Variants in CNOT2 observed in about 807,000 individuals in gnomAD.
The protein encoded by CNOT2 is CCR4-NOT transcription complex subunit 2.
A neutral mutation model predicts 72.1 loss-of-function variants in CNOT2; 7 were observed. That is an observed-to-expected ratio of 0.10 (90% confidence interval 0.06 to 0.18). CNOT2 has a LOEUF of 0.18. Among genes scored for constraint, CNOT2 ranks in the 10% least tolerant of loss-of-function variants. The pLI is 1.00. For synonymous variants in CNOT2, 196 were observed against 225.6 expected, an observed-to-expected ratio of 0.87 and a Z score of 1.17; for missense variants, 345 against 660.3, an observed-to-expected ratio of 0.52 and a Z score of 5.23.
In CNOT2 at chr12:70,311,118, T is replaced by G. The variant is rs1288148084; in HGVS notation, c.171+101T>G. ...GTGCAGAATACTGTCTGTGGTTGAG[T>G]GACAATCTTTTCAGCACAGTGCTAG... On this transcript the variant is annotated intron_variant, in intron 3 of 15. Coordinates refer to ENST00000229195, the MANE Select transcript of CNOT2 (RefSeq NM_014515.7). The G allele has an allele frequency of 2.4e-5, 19 of 795,762 alleles. No individual in the cohort carries two copies. The East Asian group carries it at 4.8e-4, about 20-fold the overall frequency. The allele number at this position is 795,762 out of a possible 1,614,324, so 49.3% of individuals were successfully genotyped here. A position where few individuals can be genotyped will look rare whatever the true frequency, so the allele number is the denominator to read the frequency against.
intron 8 of CNOT2, 73 bp downstream of exon 8, chr12:70,335,636 A>G (rs966669992): frequency 2.7e-6 from 3 of 1,102,388 alleles, no homozygotes; most frequent in Non-Finnish European, 4.1e-6. Context: ...ATTTACATGT[A>G]CGTATACATA....
rs1881041908 is a variant in CNOT2, at chr12:70,338,712, A to T, written c.1068A>T (p.Gly356=). 2 of 1,613,296 alleles carry T rather than the reference A, an allele frequency of 1.2e-6. No homozygotes were observed. Among genetic ancestry groups the T allele is most frequent in the Non-Finnish European group, 8.5e-7 (1 of 1,179,474 alleles). The change falls in exon 11 of 16, where the codon GGA becomes GGT. Residue 356 remains glycine, a synonymous_variant. Coordinates refer to ENST00000229195, the MANE Select transcript of CNOT2 (RefSeq NM_014515.7). ...AAGGGATGGTGACGGACCAATTTGGAATGATTGGCCTGTTAACATTTATCA... is the reference window on the plus strand; with the variant it reads ...AAGGGATGGTGACGGACCAATTTGGTATGATTGGCCTGTTAACATTTATCA... The part of the protein sequence containing the change: ...IPQGMVTDQF[G]MIGLLTFIRA...
intron 1 of CNOT2, among the ~76,000 whole-genome samples, chr12:70,270,028 C>T (rs1442781964): frequency 6.6e-6 from 1 of 152,058 alleles, no homozygotes; most frequent in Non-Finnish European, 1.5e-5. Flanking sequence ...CTTTATAAAT[C>T]CATAGAGAAC....
chr12:70,331,266 G>A (rs547052769), intron 6 of CNOT2: 1 of 151,778 alleles, frequency 6.6e-6, no homozygotes, highest in Admixed American at 6.6e-5. Context: ...ATTAAAATAG[G>A]TTTAGCACAT....
At chr12:70,257,447 G>A (rs1246817879) in intron 1 of CNOT2, among the ~76,000 whole-genome samples, 1 of 143,248 alleles carries the variant, frequency 7.0e-6, no homozygotes, top group African/African-American at 2.6e-5. Flanking sequence ...TGCAAGCTCC[G>A]CCTTCCGGGT....
intron 9 of CNOT2, 77 bp downstream of exon 9, chr12:70,337,590 T>C (rs1880877160): frequency 6.7e-6 from 9 of 1,345,004 alleles, no homozygotes; most frequent in Non-Finnish European, 9.5e-6. Flanking sequence ...AATTACTTAC[T>C]AAATACTATT....
chr12:70,264,189 G>C lies in CNOT2; in HGVS notation c.-95-13943G>C, dbSNP rs1230356350. ...TTTTTGAGGCTAGTCTTCAGTGTTT[G>C]TTATGAACTGCGGAGGTCTGTTCCT... is the stretch of plus-strand genomic sequence containing the variant. On this transcript the variant is annotated intron_variant, in intron 1 of 15. Transcript: ENST00000229195. 2.6e-5 allele frequency among the ~76,000 whole-genome samples: 4 copies of C among 152,248 alleles called. No individual in the cohort carries two copies. In the East Asian group the frequency reaches 5.8e-4, roughly 22 times the overall value.
intron 11 of CNOT2, among the ~76,000 whole-genome samples, chr12:70,339,225 G>A (rs190339976): frequency 3.5e-4 from 53 of 151,582 alleles, no homozygotes; most frequent in African/African-American, 8.2e-4. Context: ...GTCATTGTTC[G>A]TAACTGCAGT....
intron 1 of CNOT2, among the ~76,000 whole-genome samples, chr12:70,247,717 G>C (rs943248737): frequency 2.0e-5 from 3 of 152,142 alleles, no homozygotes; most frequent in African/African-American, 7.2e-5. Context: ...GAGAGGTATG[G>C]CCTTGACTTG....
intron 1 of CNOT2, among the ~76,000 whole-genome samples, chr12:70,262,909 G>A (rs1958849364): frequency 6.6e-6 from 1 of 152,138 alleles, no homozygotes; most frequent in Non-Finnish European, 1.5e-5. Flanking sequence ...CTGACCTCAG[G>A]TAATCTGTCT....
chr12:70,243,468 G>A lies in CNOT2; in HGVS notation c.-108G>A, dbSNP rs1347476667. 2 of 152,520 alleles carry A rather than the reference G, an allele frequency of 1.3e-5. No individual in the cohort carries two copies. Among genetic ancestry groups the A allele is most frequent in the African/African-American group, 2.4e-5 (1 of 41,402 alleles). 9.4% of individuals were successfully genotyped at this position (152,520 alleles called of 1,614,324 possible). ...TCGCCATCTTGGATCCGCGGGACAA[G>A]AAAATTCATGCGGTGAGTTTTTGGT... is the stretch of plus-strand genomic sequence containing the variant. On this transcript the variant is annotated 5_prime_UTR_variant, in exon 1 of 16. Transcript: ENST00000229195.
At chr12:70,280,919 G>T (rs1161909701) in intron 2 of CNOT2, among the ~76,000 whole-genome samples, 1 of 152,054 alleles carries the variant, frequency 6.6e-6, no homozygotes, top group Non-Finnish European at 1.5e-5. Context: ...ATGGCTCATG[G>T]TTCATTTTTG....
chr12:70,332,689 A>G (rs1443623697), intron 6 of CNOT2, 78 bp from the exon 7 acceptor site: 2 of 1,459,740 alleles, frequency 1.4e-6, no homozygotes, highest in African/African-American at 1.4e-5. Flanking sequence ...TGGAGACCAA[A>G]AATACACACT....
intron 1 of CNOT2, among the ~76,000 whole-genome samples, chr12:70,252,643 T>C (rs970131042): frequency 7.9e-5 from 12 of 152,196 alleles, no homozygotes; most frequent in African/African-American, 2.9e-4. Flanking sequence ...TCTGAAATTT[T>C]ACATGATGTT....
At chr12:70,259,735 A>G (rs976089264) in intron 1 of CNOT2, among the ~76,000 whole-genome samples, 3 of 152,124 alleles carry the variant, frequency 2.0e-5, no homozygotes, top group Non-Finnish European at 4.4e-5. Flanking sequence ...GGTGCCTGAA[A>G]CGTTTGTTGA....
At chr12:70,285,233 G>A (rs996605557) in intron 2 of CNOT2, among the ~76,000 whole-genome samples, 10 of 150,214 alleles carry the variant, frequency 6.7e-5, no homozygotes, top group Admixed American at 2.0e-4. Flanking sequence ...TTTTTTAGAC[G>A]AACTCTTGCT....
intron 1 of CNOT2, among the ~76,000 whole-genome samples, chr12:70,259,776 C>T (rs1440660032): frequency 1.3e-5 from 2 of 152,134 alleles, no homozygotes; most frequent in South Asian, 2.1e-4. Flanking sequence ...TCCTCTTCCC[C>T]CAGTTTTGCC....
Position 70,337,350 on chromosome 12 carries a change from A to G in CNOT2, c.776-39A>G. 5 of 1,553,000 alleles carry G rather than the reference A, an allele frequency of 3.2e-6. No homozygotes were observed. In the South Asian group the frequency reaches 3.4e-5, roughly 11 times the overall value. ...TATAATCTGTAGCAAAATATCATAA[A>G]TATCAATTGCAATTCTCCGGATTAT... On this transcript the variant is annotated intron_variant, in intron 8 of 15. Coordinates refer to ENST00000229195, the MANE Select transcript of CNOT2 (RefSeq NM_014515.7).
chr12:70,284,062 C>G lies in CNOT2; in HGVS notation c.48+5788C>G, dbSNP rs138720303. Among the ~76,000 whole-genome samples, 367 of 151,208 alleles carry G rather than the reference C, an allele frequency of 2.4e-3. 1 individual carries two copies. Among genetic ancestry groups the G allele is most frequent in the African/African-American group, 8.6e-3 (356 of 41,166 alleles). On this transcript the variant is annotated intron_variant, in intron 2 of 15. Transcript: ENST00000229195. The stretch of plus-strand genomic sequence containing the variant: ...GTTGAAGCGATTCTCCTGCCTCAGC[C>G]TCCTGAGTAGCTGGGATTACAGGCA...
Sources: gnomAD v4.1 joint callset for allele counts (sites outside exome capture counted in the v4.1 genomes callset) on GRCh38, gnomAD v4.1.1 for gene constraint, MANE v1.5 for transcripts, NCBI Gene and HGNC (gene_info 2026-07-23, HGNC 2026-07-21) for gene names.